ANKRD44: variants seen among roughly 807,000 people sequenced by gnomAD.
ANKRD44 encodes serine/threonine-protein phosphatase 6 regulatory ankyrin repeat subunit B.
Under a neutral mutation model 116.0 loss-of-function variants are expected in ANKRD44, and 35 were observed. That is an observed-to-expected ratio of 0.30 (90% CI 0.23 to 0.40). ANKRD44 has a LOEUF of 0.40. Among genes scored for constraint, ANKRD44 ranks in the 10% least tolerant of loss-of-function variants. The probability of loss-of-function intolerance (pLI) is 1.00; values close to 1 mark genes in which losing one functional copy is unlikely to be tolerated. For missense variants in ANKRD44, 1,014 were observed against 1,242.6 expected, an observed-to-expected ratio of 0.82 and a Z score of 2.77; for synonymous variants, 435 against 461.8, an observed-to-expected ratio of 0.94 and a Z score of 0.74.
chr2:196,971,999 G>T (rs939781439), intron 21 of ANKRD44, among the ~76,000 whole-genome samples: 10 of 152,142 alleles, frequency 6.6e-5, no homozygotes, highest in Non-Finnish European at 7.3e-5. Context: ...ACACCTCTAG[G>T]CCTCAAGTGT....
chr2:197,071,963 T>G (rs1386117867), intron 16 of ANKRD44, among the ~76,000 whole-genome samples: 1 of 151,964 alleles, frequency 6.6e-6, no homozygotes, highest in East Asian at 1.9e-4. Flanking sequence ...GCGGCCTCAG[T>G]GCCAACTGGG....
At chr2:197,263,594 T>C (rs932469378) in intron 1 of ANKRD44, 35 of 225,970 alleles carry the variant, frequency 1.5e-4, no homozygotes, top group South Asian at 1.5e-3. Context: ...CCTGTATGTT[T>C]CTTTTCCTGC....
At position 197,181,675 on chromosome 2, in the gene ANKRD44, T is replaced by C. The variant is rs968070011; in HGVS notation, c.111+5348A>G. 2.6e-5 allele frequency among the ~76,000 whole-genome samples: 4 copies of C among 152,210 alleles called. No homozygotes were observed. In the East Asian group the frequency reaches 7.7e-4, roughly 29 times the overall value. ...GAGAATGGGGCCATATGTGCTACCATATTAGTCACCTTTCAAACTTCCAGT... is the reference window on the plus strand; with the variant it reads ...GAGAATGGGGCCATATGTGCTACCACATTAGTCACCTTTCAAACTTCCAGT... On this transcript the variant is annotated intron_variant, in intron 2 of 27. Coordinates refer to ENST00000282272, the MANE Select transcript of ANKRD44 (RefSeq NM_001195144.2).
downstream of ANKRD44, among the ~76,000 whole-genome samples, chr2:196,986,070 G>A (rs960835419): frequency 1.6e-4 from 24 of 152,188 alleles, no homozygotes; most frequent in Non-Finnish European, 7.3e-5. Flanking sequence ...TGGCTGCAAG[G>A]AAGCTGAGAG....
chr2:197,031,787 T>TA (rs2076712940), intron 16 of ANKRD44, among the ~76,000 whole-genome samples: 1 of 152,192 alleles, frequency 6.6e-6, no homozygotes, highest in Admixed American at 6.6e-5. Flanking sequence ...TGTTTCTTAT[T>TA]AGTGTGAAAA....
In ANKRD44 at chr2:197,007,946, C is replaced by T. The variant is rs182378329; in HGVS notation, c.2013-23G>A. ...GTTCTAGGCAGAGAGATAAAGCAGG[C>T]TTTTAAAAAGGAGATTTAAAAAAAT... On this transcript the variant is annotated intron_variant, in intron 19 of 27. Coordinates refer to ENST00000282272, the MANE Select transcript of ANKRD44 (RefSeq NM_001195144.2). 265 of 1,558,158 alleles carry T rather than the reference C, an allele frequency of 1.7e-4. No individual in the cohort carries two copies. The African/African-American group carries it at 3.1e-3, about 18-fold the overall frequency.
intron 6 of ANKRD44, among the ~76,000 whole-genome samples, chr2:197,125,104 T>A (rs1339758528): frequency 6.6e-6 from 1 of 152,254 alleles, no homozygotes; most frequent in Non-Finnish European, 1.5e-5. Flanking sequence ...ATAAGCACAA[T>A]CTGTGCAGCT....
intron 16 of ANKRD44, among the ~76,000 whole-genome samples, chr2:197,049,520 C>T (rs2077065836): frequency 6.6e-6 from 1 of 152,160 alleles, no homozygotes; most frequent in African/African-American, 2.4e-5. Context: ...TATTTAAGAT[C>T]TATACTGTGG....
At chr2:197,166,003 A>G (rs970527763) in intron 2 of ANKRD44, among the ~76,000 whole-genome samples, 1 of 152,226 alleles carries the variant, frequency 6.6e-6, no homozygotes, top group African/African-American at 2.4e-5. Flanking sequence ...GGGAACAAAC[A>G]TAACTTTGTA....
At chr2:197,264,394 C>T (rs953434026) in intron 1 of ANKRD44, among the ~76,000 whole-genome samples, 2 of 152,274 alleles carry the variant, frequency 1.3e-5, no homozygotes, top group Non-Finnish European at 2.9e-5. Flanking sequence ...TGAATTCAAC[C>T]GCTATCTTTT....
chr2:197,204,208 T>C (rs1278218984), intron 1 of ANKRD44, among the ~76,000 whole-genome samples: 1 of 152,172 alleles, frequency 6.6e-6, no homozygotes, highest in African/African-American at 2.4e-5. Flanking sequence ...AAGCAGTCTA[T>C]GAAACTATAT....
In ANKRD44 at chr2:197,132,796, C is replaced by CA. The variant is rs200657945; in HGVS notation, c.261+3795dup. On this transcript the variant is annotated intron_variant, in intron 4 of 27. Transcript: ENST00000282272. ...AAAACCCAGTCTTTAATGAATAACT[C>CA]AAAAAAAAAACAATTCTTTTCTAAC... is the stretch of plus-strand genomic sequence containing the variant. 6.9e-3 allele frequency among the ~76,000 whole-genome samples: 1,001 copies of CA among 145,370 alleles called. 4 individuals are homozygous for CA. Among genetic ancestry groups the CA allele is most frequent in the East Asian group, 0.022 (113 of 5,034 alleles).
At chr2:197,268,139 T>A (rs551202035) in intron 1 of ANKRD44, among the ~76,000 whole-genome samples, 2 of 152,314 alleles carry the variant, frequency 1.3e-5, no homozygotes, top group South Asian at 2.1e-4. Context: ...CCCAAGGGCA[T>A]CACAATGGGA....
chr2:197,135,219 A>G (rs2079188689), intron 4 of ANKRD44: 1 of 152,226 alleles, frequency 6.6e-6, no homozygotes, highest in Admixed American at 6.5e-5. Flanking sequence ...AGACACCTGC[A>G]ACTTCTGTAT....
At chr2:197,160,038 T>A (rs2079919762) in intron 2 of ANKRD44, among the ~76,000 whole-genome samples, 1 of 152,064 alleles carries the variant, frequency 6.6e-6, no homozygotes, top group Non-Finnish European at 1.5e-5. Context: ...GTGGCCTATA[T>A]GATAGACACA....
chr2:197,072,540 C>G (rs959841967), intron 16 of ANKRD44, among the ~76,000 whole-genome samples: 5 of 152,176 alleles, frequency 3.3e-5, no homozygotes, highest in Non-Finnish European at 5.9e-5. Flanking sequence ...TCCTAACAAA[C>G]AGGACAGTTG....
Position 197,269,482 on chromosome 2 carries a change from T to C in ANKRD44, c.27+41096A>G, listed in dbSNP as rs369938277. Among the ~76,000 whole-genome samples the C allele has an allele frequency of 6.2e-4, 95 of 152,254 alleles. 1 individual carries two copies. The highest frequency in any genetic ancestry group is 8.7e-4 in the African/African-American group (36 of 41,552). On this transcript the variant is annotated intron_variant, in intron 1 of 27. Coordinates refer to ENST00000282272, the MANE Select transcript of ANKRD44 (RefSeq NM_001195144.2). ...CGCAGATGACTGTAACTATGGAAGA[T>C]AGCCAATCTGTAGTAATGAAGAAGC...
At chr2:197,195,538 C>A (rs1411070337) in intron 1 of ANKRD44, among the ~76,000 whole-genome samples, 1 of 152,118 alleles carries the variant, frequency 6.6e-6, no homozygotes, top group Non-Finnish European at 1.5e-5. Flanking sequence ...GTTTTTGGTT[C>A]TTTAATGTCT....
intron 1 of ANKRD44, among the ~76,000 whole-genome samples, chr2:197,279,060 G>C (rs1272740495): frequency 6.6e-6 from 1 of 152,168 alleles, no homozygotes; most frequent in African/African-American, 2.4e-5. Flanking sequence ...TTTCAGGCTG[G>C]ATAATATTTC....
Sources: allele counts gnomAD v4.1 joint callset (sites outside exome capture counted in the v4.1 genomes callset), GRCh38; gene constraint gnomAD v4.1.1; transcripts MANE v1.5; gene names NCBI Gene and HGNC (gene_info 2026-07-23, HGNC 2026-07-21).